The following ENTREP2 variants were observed in gnomAD, a reference collection of about 807,000 sequenced individuals.
ENTREP2 encodes the protein endosomal transmembrane epsin interactor 2, also known as protein ENTREP2.
At chr15:29,372,041 A>G in the ENTREP2 span, among the ~76,000 whole-genome samples, 1 of 152,232 alleles carries the variant, frequency 6.6e-6, no homozygotes, top group Non-Finnish European at 1.5e-5. Flanking sequence ...CTAGTTTAAT[A>G]ATTCACTATG....
At chr15:29,251,285 A>G in the ENTREP2 span, among the ~76,000 whole-genome samples, 250 of 152,336 alleles carry the variant, frequency 1.6e-3, 1 homozygote, top group Non-Finnish European at 2.7e-3. Flanking sequence ...CCACAGTCCT[A>G]TCAGGAGTTT....
At chr15:29,559,234 T>C in the ENTREP2 span, among the ~76,000 whole-genome samples, 1 of 152,124 alleles carries the variant, frequency 6.6e-6, no homozygotes, top group Non-Finnish European at 1.5e-5. Context: ...CAGATGACTG[T>C]ACCCACCCAC....
the ENTREP2 span, among the ~76,000 whole-genome samples, chr15:29,424,020 G>A: frequency 6.6e-6 from 1 of 152,216 alleles, no homozygotes; most frequent in Non-Finnish European, 1.5e-5. Context: ...CTCACGGTGA[G>A]TGTCACAGCT....
chr15:29,136,408 G>C, the ENTREP2 span: 2 of 1,536,112 alleles, frequency 1.3e-6, no homozygotes, highest in African/African-American at 2.8e-5. Flanking sequence ...CGTACGGAGG[G>C]GGGAGCTCAG....
At chr15:29,181,027 GA>G in the ENTREP2 span, among the ~76,000 whole-genome samples, 21 of 151,326 alleles carry the variant, frequency 1.4e-4, no homozygotes, top group East Asian at 7.7e-4. Context: ...CTGGTTCTTT[GA>G]AAAAAAACTG....
chr15:29,347,463 G>A, the ENTREP2 span, among the ~76,000 whole-genome samples: 212 of 151,872 alleles, frequency 1.4e-3, 1 homozygote, highest in Admixed American at 3.6e-3. Flanking sequence ...CAGCCACCAC[G>A]CTGAGCCTAT....
chr15:29,591,832 GAGA>G, the ENTREP2 span, among the ~76,000 whole-genome samples: 2,098 of 140,086 alleles, frequency 0.015, 14 homozygotes, highest in African/African-American at 0.019. Flanking sequence ...CATCTCAAAA[GAGA>G]AGAAGAAGAA....
the ENTREP2 span, among the ~76,000 whole-genome samples, chr15:29,615,149 ATT>A: frequency 1.4e-5 from 2 of 146,448 alleles, no homozygotes; most frequent in Non-Finnish European, 3.0e-5. Context: ...TCTCTCACAA[ATT>A]TTTTTTTCTT....
At chr15:29,655,834 G>A in the ENTREP2 span, among the ~76,000 whole-genome samples, 1 of 152,116 alleles carries the variant, frequency 6.6e-6, no homozygotes, top group East Asian at 1.9e-4. Context: ...GACACCACCT[G>A]GCCAACATGG....
chr15:29,230,553 A>G, the ENTREP2 span, among the ~76,000 whole-genome samples: 7 of 152,236 alleles, frequency 4.6e-5, no homozygotes, highest in Non-Finnish European at 5.9e-5. Context: ...TAAGTCACAA[A>G]GGAAGAAAAA....
the ENTREP2 span, among the ~76,000 whole-genome samples, chr15:29,222,212 G>A: frequency 1.3e-5 from 2 of 152,194 alleles, no homozygotes; most frequent in African/African-American, 4.8e-5. Context: ...GGTGACAAGA[G>A]TGATCTCTGG....
At chr15:29,467,783 C>G in the ENTREP2 span, among the ~76,000 whole-genome samples, 1 of 152,342 alleles carries the variant, frequency 6.6e-6, no homozygotes, top group South Asian at 2.1e-4. Flanking sequence ...GTTCCCCTTC[C>G]AGACTGGCCT....
At chr15:29,556,762 G>GCCCCCCCCCCCCCCCCCCC in the ENTREP2 span, among the ~76,000 whole-genome samples, 1 of 38,912 alleles carries the variant, frequency 2.6e-5, no homozygotes, top group African/African-American at 8.6e-5. Flanking sequence ...CCATGCAGGT[G>GCCCCCCCCCCCCCCCCCCC]CCCCCCCCCC....
the ENTREP2 span, among the ~76,000 whole-genome samples, chr15:29,346,275 C>T: frequency 1.3e-5 from 2 of 152,288 alleles, no homozygotes; most frequent in Admixed American, 1.3e-4. Context: ...TTACTGGGGA[C>T]ATGCTCTGAG....
At chr15:29,365,646 T>C in the ENTREP2 span, among the ~76,000 whole-genome samples, 3 of 151,960 alleles carry the variant, frequency 2.0e-5, no homozygotes, top group South Asian at 2.1e-4. Flanking sequence ...TCTGGGAATA[T>C]AGTTTCCAAA....
the ENTREP2 span, among the ~76,000 whole-genome samples, chr15:29,590,315 T>C: frequency 5.9e-5 from 9 of 152,124 alleles, no homozygotes; most frequent in African/African-American, 2.2e-4. Context: ...AGCTCTGCCT[T>C]ATCCAATCCA....
the ENTREP2 span, among the ~76,000 whole-genome samples, chr15:29,608,546 A>AT: frequency 1.3e-4 from 18 of 141,380 alleles, no homozygotes; most frequent in African/African-American, 2.7e-4. Flanking sequence ...TATTATTATT[A>AT]TTATTTATTT....
At chr15:29,673,284 C>T in the ENTREP2 span, among the ~76,000 whole-genome samples, 170 of 152,192 alleles carry the variant, frequency 1.1e-3, no homozygotes, top group African/African-American at 3.8e-3. Context: ...GTCTTTATGA[C>T]CTGTATCTTG....
chr15:29,189,418 TG>T, the ENTREP2 span, among the ~76,000 whole-genome samples: 2 of 128,792 alleles, frequency 1.6e-5, no homozygotes, highest in Non-Finnish European at 3.3e-5. Flanking sequence ...GAAATTGTCT[TG>T]CTTTTTTTTT....
Sources: allele counts gnomAD v4.1 joint callset (sites outside exome capture counted in the v4.1 genomes callset), GRCh38; gene constraint gnomAD v4.1.1; transcripts MANE v1.5; gene names NCBI Gene and HGNC (gene_info 2026-07-23, HGNC 2026-07-21).